Variants in HGD observed in about 807,000 individuals in gnomAD.
The protein encoded by HGD is homogentisate 1,2-dioxygenase.
A neutral mutation model predicts 60.8 loss-of-function variants in HGD; 61 were observed. The ratio of observed to expected loss-of-function variants is 1.00; its 90% CI spans 0.82 to 1.24. HGD has a LOEUF of 1.24. HGD is among the 50% of genes most tolerant of loss of function. The pLI is 0.00. For missense variants in HGD, 542 were observed against 547.1 expected (o/e 0.99, Z 0.09); for synonymous variants, 212 against 187.7 (o/e 1.13, Z -1.06).
At chr3:120,676,951 G>A (rs1708142922) in intron 1 of HGD, among the ~76,000 whole-genome samples, 1 of 152,146 alleles carries the variant, frequency 6.6e-6, no homozygotes, top group South Asian at 2.1e-4. Flanking sequence ...ACATTTATTA[G>A]TTCCCCAAAT....
intron 8 of HGD, 73 bp downstream of exon 8, chr3:120,646,900 T>C (rs1941181104): frequency 8.5e-7 from 1 of 1,176,476 alleles, no homozygotes; most frequent in Non-Finnish European, 1.3e-6. Flanking sequence ...GAGTTGGAAA[T>C]AGCAGCAGCT....
chr3:120,654,193 A>G (rs1460530400), intron 4 of HGD, among the ~76,000 whole-genome samples: 1 of 152,182 alleles, frequency 6.6e-6, no homozygotes, highest in Non-Finnish European at 1.5e-5. Flanking sequence ...TTAGTTTCAG[A>G]AAGAAAATCC....
chr3:120,681,686 G>T (rs1026874671), intron 1 of HGD, among the ~76,000 whole-genome samples: 2 of 152,276 alleles, frequency 1.3e-5, no homozygotes, highest in African/African-American at 4.8e-5. Flanking sequence ...CTGATTCAGA[G>T]CCTTAATTAA....
chr3:120,641,567 C>T lies in HGD; in HGVS notation c.879+22G>A, dbSNP rs750767135. 6.7e-6 allele frequency: 10 copies of T among 1,503,674 alleles called. No individual in the cohort carries two copies. The African/African-American group carries it at 1.1e-4, about 17-fold the overall frequency. 93.1% of individuals were successfully genotyped at this position (1,503,674 alleles called of 1,614,324 possible). ...ACCCAAGCGTTGCCTCATCCCAAGG[C>T]CCCTACAGGGTTCAGACTTACTGCA... On this transcript the variant is annotated intron_variant, in intron 11 of 13. Coordinates refer to ENST00000283871, the MANE Select transcript of HGD (RefSeq NM_000187.4).
At chr3:120,647,105 T>C in intron 7 of HGD, 53 bp from the exon 8 acceptor site, 1 of 1,378,612 alleles carries the variant, frequency 7.3e-7, no homozygotes, top group Middle Eastern at 1.8e-4. Flanking sequence ...GTGATAACCA[T>C]TTCATGAACA....
intron 12 of HGD, among the ~76,000 whole-genome samples, chr3:120,637,455 TAATAA>T (rs1940820874): frequency 6.6e-6 from 1 of 152,148 alleles, no homozygotes; most frequent in Non-Finnish European, 1.5e-5. Flanking sequence ...ATAATAATAT[TAATAA>T]AATAAAAATA....
intron 4 of HGD, among the ~76,000 whole-genome samples, chr3:120,666,044 G>C (rs571498724): frequency 6.6e-6 from 1 of 152,332 alleles, no homozygotes; most frequent in Non-Finnish European, 1.5e-5. Flanking sequence ...ATATTAACTT[G>C]TAAAGAAGGT....
intron 13 of HGD, among the ~76,000 whole-genome samples, chr3:120,629,770 G>A (rs1010999450): frequency 5.3e-5 from 8 of 152,070 alleles, no homozygotes; most frequent in African/African-American, 1.4e-4. Context: ...CTTAGAAGTC[G>A]TGGCAAAGAG....
At chr3:120,666,664 T>C (rs1707906177) in intron 4 of HGD, among the ~76,000 whole-genome samples, 1 of 152,036 alleles carries the variant, frequency 6.6e-6, no homozygotes. Context: ...GTATTTTTAG[T>C]AGAGATGGTG....
intron 13 of HGD, among the ~76,000 whole-genome samples, chr3:120,631,344 C>G (rs1940585958): frequency 6.6e-6 from 1 of 151,986 alleles, no homozygotes; most frequent in Non-Finnish European, 1.5e-5. Flanking sequence ...TTTAAAATAA[C>G]TGAAAGAATA....
chr3:120,655,453 T>C (rs982036401), intron 4 of HGD, among the ~76,000 whole-genome samples: 1 of 152,234 alleles, frequency 6.6e-6, no homozygotes, highest in Non-Finnish European at 1.5e-5. Flanking sequence ...CATTTATCTG[T>C]TGGCCCTGAT....
intron 3 of HGD, among the ~76,000 whole-genome samples, chr3:120,672,077 A>T (rs937992448): frequency 6.6e-6 from 1 of 152,192 alleles, no homozygotes; most frequent in Non-Finnish European, 1.5e-5. Flanking sequence ...AAGTGCAGCA[A>T]ACCACCATGG....
intron 4 of HGD, among the ~76,000 whole-genome samples, chr3:120,660,686 A>G (rs1414792632): frequency 1.9e-4 from 29 of 152,122 alleles, no homozygotes; most frequent in Admixed American, 1.9e-3. Flanking sequence ...TTAGCCGGGC[A>G]TGGTGGTGGG....
rs1171013571 is a variant in HGD at position 120,633,192 on chromosome 3, G to A, written c.1143C>T (p.Ala381=). The A allele has an allele frequency of 5.0e-6, 8 of 1,613,944 alleles. No individual in the cohort carries two copies. The stretch of plus-strand genomic sequence containing the variant: ...TCTCAGGTGCCAGCTTGACCTTGCT[G>A]GCCTTCTCAAAGCAGTCAGCATCAG... ...HGPDADCFEK[A]SKVKLAPERI... The change falls in exon 13 of 14, where the codon GCC becomes GCT. Residue 381 remains alanine, a synonymous_variant. Coordinates refer to ENST00000283871, the MANE Select transcript of HGD (RefSeq NM_000187.4).
chr3:120,657,542 A>C (rs1463017708), intron 4 of HGD, among the ~76,000 whole-genome samples: 1 of 152,134 alleles, frequency 6.6e-6, no homozygotes, highest in African/African-American at 2.4e-5. Flanking sequence ...ACATATCATT[A>C]GAAGTGAGTA....
intron 12 of HGD, chr3:120,633,705 TC>T: frequency 1.3e-6 from 1 of 776,928 alleles, no homozygotes; most frequent in Non-Finnish European, 1.9e-6. Context: ...TTATCTTATC[TC>T]CCAGATCATA....
At chr3:120,649,909 C>T (rs1941286298) in intron 6 of HGD, among the ~76,000 whole-genome samples, 1 of 152,114 alleles carries the variant, frequency 6.6e-6, no homozygotes, top group African/African-American at 2.4e-5. Flanking sequence ...TGCCTACATT[C>T]AGTACACCAA....
At chr3:120,638,718 T>G in intron 11 of HGD, 137 bp from the exon 12 acceptor site, 1 of 989,518 alleles carries the variant, frequency 1.0e-6, no homozygotes, top group Non-Finnish European at 1.5e-6. Flanking sequence ...ACTTTTAATT[T>G]AGATAGAGGG....
chr3:120,672,836 T>G (rs1274040244), intron 3 of HGD, among the ~76,000 whole-genome samples: 2 of 152,222 alleles, frequency 1.3e-5, no homozygotes, highest in East Asian at 3.8e-4. Context: ...GCCTTTCTTC[T>G]CTTAATCTTC....
Sources: allele counts gnomAD v4.1 joint callset (sites outside exome capture counted in the v4.1 genomes callset), GRCh38; gene constraint gnomAD v4.1.1; transcripts MANE v1.5; gene names NCBI Gene and HGNC (gene_info 2026-07-23, HGNC 2026-07-21).